Variants in PLPP3 observed in about 807,000 individuals in gnomAD.
The protein encoded by PLPP3 is phospholipid phosphatase 3, also known as PAP2 beta.
A neutral mutation model predicts 29.6 loss-of-function variants in PLPP3; 6 were observed. The ratio of observed to expected loss-of-function variants is 0.20; its 90% confidence interval spans 0.11 to 0.40. The LOEUF is 0.40. Among genes scored for constraint, PLPP3 ranks in the 10% least tolerant of loss-of-function variants. The probability of loss-of-function intolerance (pLI) is 1.00; values close to 1 mark genes in which losing one functional copy is unlikely to be tolerated. For missense variants in PLPP3, 308 were observed against 407.7 expected, an observed-to-expected ratio of 0.76 and a Z score of 2.11; for synonymous variants, 152 against 159.7, an observed-to-expected ratio of 0.95 and a Z score of 0.36.
chr1:56,542,049 A>ATTAACTTCAT (rs1279156104), intron 1 of PLPP3, among the ~76,000 whole-genome samples: 4 of 151,806 alleles, frequency 2.6e-5, no homozygotes, highest in Non-Finnish European at 5.9e-5. Flanking sequence ...TCAAGGATCA[A>ATTAACTTCAT]TTAACTTCAT....
intron 5 of PLPP3, among the ~76,000 whole-genome samples, chr1:56,507,525 C>T (rs1158663962): frequency 6.6e-6 from 1 of 152,038 alleles, no homozygotes; most frequent in Non-Finnish European, 1.5e-5. Context: ...GACATATGAG[C>T]AGGCCATGAG....
At chr1:56,510,900 A>C (rs558279206) in intron 5 of PLPP3, among the ~76,000 whole-genome samples, 1 of 152,204 alleles carries the variant, frequency 6.6e-6, no homozygotes, top group Non-Finnish European at 1.5e-5. Context: ...CAGAGTGTTA[A>C]GTGCTGTTAC....
intron 1 of PLPP3, among the ~76,000 whole-genome samples, chr1:56,565,080 T>A (rs141378273): frequency 2.0e-4 from 30 of 152,310 alleles, no homozygotes; most frequent in African/African-American, 7.2e-4. Context: ...ATAAACCTAC[T>A]GAGGCCAAAT....
chr1:56,533,001 A>G (rs1645900350), intron 2 of PLPP3, among the ~76,000 whole-genome samples: 1 of 151,302 alleles, frequency 6.6e-6, no homozygotes, highest in Non-Finnish European at 1.5e-5. Context: ...AGTACCTACC[A>G]TGTGCCCAGA....
intron 1 of PLPP3, among the ~76,000 whole-genome samples, chr1:56,555,967 T>G (rs1196197939): frequency 6.6e-6 from 1 of 152,210 alleles, no homozygotes; most frequent in Non-Finnish European, 1.5e-5. Context: ...GGAAGACATT[T>G]TTTTTCCCCC....
intron 1 of PLPP3, among the ~76,000 whole-genome samples, chr1:56,546,679 C>G (rs1229324499): frequency 6.6e-6 from 1 of 152,112 alleles, no homozygotes; most frequent in Non-Finnish European, 1.5e-5. Context: ...AAAGGTCACA[C>G]AGTAAAATGA....
At chr1:56,538,074 T>G (rs965780573) in intron 1 of PLPP3, among the ~76,000 whole-genome samples, 3 of 152,190 alleles carry the variant, frequency 2.0e-5, no homozygotes, top group African/African-American at 7.2e-5. Flanking sequence ...ACCAGTTTGC[T>G]TCCTGAAGGG....
intron 1 of PLPP3, among the ~76,000 whole-genome samples, chr1:56,559,905 A>G (rs753966177): frequency 3.0e-4 from 45 of 152,176 alleles, no homozygotes; most frequent in Non-Finnish European, 4.7e-4. Context: ...GGTCACTGGT[A>G]CTGGGCAGAG....
intron 1 of PLPP3, among the ~76,000 whole-genome samples, chr1:56,570,317 A>C (rs1646189226): frequency 6.6e-6 from 1 of 152,194 alleles, no homozygotes; most frequent in South Asian, 2.1e-4. Flanking sequence ...GAACCAAAGC[A>C]CACTACTTAT....
chr1:56,520,938 A>G (rs1440582505), intron 4 of PLPP3, among the ~76,000 whole-genome samples: 5 of 146,118 alleles, frequency 3.4e-5, no homozygotes, highest in African/African-American at 1.3e-4. Context: ...AAAAAAAAGA[A>G]ACTTTTGCAA....
At chr1:56,571,775 C>G (rs200677741) in intron 1 of PLPP3, among the ~76,000 whole-genome samples, 2 of 141,418 alleles carry the variant, frequency 1.4e-5, no homozygotes, top group Non-Finnish European at 2.9e-5. Flanking sequence ...TAATTGCAAT[C>G]AATTAATTGC....
intron 1 of PLPP3, among the ~76,000 whole-genome samples, chr1:56,556,281 T>C (rs748600667): frequency 6.6e-6 from 1 of 152,102 alleles, no homozygotes; most frequent in Non-Finnish European, 1.5e-5. Context: ...CCCTATAAAA[T>C]GGGGGAATTT....
intron 4 of PLPP3, among the ~76,000 whole-genome samples, chr1:56,518,968 A>G (rs1645800698): frequency 6.6e-6 from 1 of 151,768 alleles, no homozygotes; most frequent in African/African-American, 2.4e-5. Context: ...GGGGGTTGTC[A>G]TTCTAAACAG....
At position 56,523,515 on chromosome 1, in the gene PLPP3, A is replaced by G. The variant is rs117067213; in HGVS notation, c.633+308T>C. ...GGTTTTTGTAACGGCAAAAACCTCA[A>G]TTACTCTTGCACCAACCTAATACAA... On this transcript the variant is annotated intron_variant, in intron 4 of 5. Coordinates refer to ENST00000371250, the MANE Select transcript of PLPP3 (RefSeq NM_003713.5). 4.5e-4 allele frequency among the ~76,000 whole-genome samples: 68 copies of G among 152,314 alleles called. 1 individual carries two copies. The East Asian group carries it at 0.013, about 28-fold the overall frequency.
intron 1 of PLPP3, among the ~76,000 whole-genome samples, chr1:56,578,358 G>A (rs899855208): frequency 2.6e-5 from 4 of 152,206 alleles, no homozygotes; most frequent in Admixed American, 6.5e-5. Context: ...AGAGGAGCAA[G>A]TGAAAAGGCC....
intron 1 of PLPP3, among the ~76,000 whole-genome samples, chr1:56,553,035 A>T (rs1220244745): frequency 6.6e-6 from 1 of 152,178 alleles, no homozygotes; most frequent in African/African-American, 2.4e-5. Flanking sequence ...CAAATTCAAC[A>T]TGGACATTTC....
intron 2 of PLPP3, among the ~76,000 whole-genome samples, chr1:56,530,844 C>A (rs189948624): frequency 7.2e-5 from 11 of 152,314 alleles, no homozygotes; most frequent in African/African-American, 2.4e-4. Flanking sequence ...CCAAACAGGT[C>A]TGCTCTACAT....
chr1:56,564,003 A>G (rs1299738525), intron 1 of PLPP3, among the ~76,000 whole-genome samples: 1 of 152,244 alleles, frequency 6.6e-6, no homozygotes, highest in East Asian at 1.9e-4. Flanking sequence ...ACAAGGTGTG[A>G]TAATTTCATT....
intron 1 of PLPP3, among the ~76,000 whole-genome samples, chr1:56,565,033 T>G (rs970268331): frequency 2.0e-5 from 3 of 152,230 alleles, no homozygotes; most frequent in African/African-American, 7.2e-5. Flanking sequence ...AAGACAAATG[T>G]AACAATGAGA....
Sources: allele counts gnomAD v4.1 joint callset (sites outside exome capture counted in the v4.1 genomes callset), GRCh38; gene constraint gnomAD v4.1.1; transcripts MANE v1.5; gene names NCBI Gene and HGNC (gene_info 2026-07-23, HGNC 2026-07-21).